The following EVA1A variants were observed in gnomAD, a reference collection of about 807,000 sequenced individuals.
The protein encoded by EVA1A is eva-1 homolog A, regulator of programmed cell death.
In EVA1A, 7 loss-of-function variants were observed where a neutral mutation model predicts 9.8. The ratio of observed to expected loss-of-function variants is 0.71; its 90% CI spans 0.41 to 1.34. EVA1A has a LOEUF of 1.34. EVA1A is among the 40% of genes most tolerant of loss of function. The probability of loss-of-function intolerance (pLI) is 0.01; values close to 1 mark genes in which losing one functional copy is unlikely to be tolerated. For missense variants in EVA1A, 206 were observed against 205.9 expected, an observed-to-expected ratio of 1.00 and a Z score of 0.00; for synonymous variants, 90 against 85.6, an observed-to-expected ratio of 1.05 and a Z score of -0.28.
chr2:75,531,758 G>A (rs1461254411), intron 1 of EVA1A, among the ~76,000 whole-genome samples: 1 of 152,108 alleles, frequency 6.6e-6, no homozygotes, highest in Non-Finnish European at 1.5e-5. Context: ...TGGGGACTTC[G>A]GGGAAGGCTG....
At chr2:75,560,091 G>A (rs1163217259) in intron 1 of EVA1A, among the ~76,000 whole-genome samples, 1 of 152,118 alleles carries the variant, frequency 6.6e-6, no homozygotes, top group Non-Finnish European at 1.5e-5. Flanking sequence ...ATAGAGCAGC[G>A]TGGACTGTCT....
chr2:75,535,878 T>C lies in EVA1A; in HGVS notation c.-191-13391A>G, dbSNP rs567054171. 1.1e-3 allele frequency among the ~76,000 whole-genome samples: 161 copies of C among 152,294 alleles called. 1 individual carries two copies. The highest frequency in any genetic ancestry group is 2.5e-3 in the Admixed American group (39 of 15,304). ...ACACTAAAGTCCTAGACTTTACCAC[T>C]GTACGATTCATCCATGTAACCAAAA... is the stretch of plus-strand genomic sequence containing the variant. On this transcript the variant is annotated intron_variant, in intron 1 of 3. Transcript: ENST00000393913.
chr2:75,524,395 C>T (rs1675343718), intron 1 of EVA1A, among the ~76,000 whole-genome samples: 1 of 151,948 alleles, frequency 6.6e-6, no homozygotes, highest in South Asian at 2.1e-4. Flanking sequence ...TCTGCACAGC[C>T]TGGCTACTAC....
intron 2 of EVA1A, chr2:75,518,953 C>T: frequency 1.3e-6 from 1 of 757,088 alleles, no homozygotes; most frequent in Non-Finnish European, 1.6e-6. Context: ...CCTCTAGCTC[C>T]ATGACTCCAC....
At chr2:75,523,892 C>A (rs1488558733) in intron 1 of EVA1A, among the ~76,000 whole-genome samples, 6 of 152,184 alleles carry the variant, frequency 3.9e-5, no homozygotes, top group Non-Finnish European at 7.3e-5. Flanking sequence ...TGTGTCCCCA[C>A]TGAAATCTCA....
At chr2:75,504,457 C>T (rs987675251) in intron 3 of EVA1A, among the ~76,000 whole-genome samples, 2 of 152,136 alleles carry the variant, frequency 1.3e-5, no homozygotes, top group Non-Finnish European at 2.9e-5. Flanking sequence ...TGGCATTCTG[C>T]CCCACCCCAT....
intron 3 of EVA1A, chr2:75,517,790 C>G (rs1430000698): frequency 2.8e-6 from 2 of 718,826 alleles, no homozygotes; most frequent in East Asian, 5.4e-5. Context: ...CAACAGTAGC[C>G]CTGGGCCACT....
At chr2:75,508,376 G>A (rs966967135) in intron 3 of EVA1A, among the ~76,000 whole-genome samples, 2 of 152,172 alleles carry the variant, frequency 1.3e-5, no homozygotes, top group African/African-American at 4.8e-5. Context: ...CCCTGGGAAA[G>A]AGAATACATG....
intron 3 of EVA1A, among the ~76,000 whole-genome samples, chr2:75,515,250 AG>A (rs1674962781): frequency 6.6e-6 from 1 of 152,186 alleles, no homozygotes; most frequent in African/African-American, 2.4e-5. Context: ...ATTTACTTGT[AG>A]GGCCCATTGT....
intron 1 of EVA1A, among the ~76,000 whole-genome samples, chr2:75,545,604 G>A (rs1022619338): frequency 2.0e-5 from 3 of 151,998 alleles, no homozygotes; most frequent in African/African-American, 7.3e-5. Context: ...TTGTGGTAGA[G>A]AAAAAGTGGT....
chr2:75,537,358 T>C (rs1675947687), intron 1 of EVA1A, among the ~76,000 whole-genome samples: 1 of 152,208 alleles, frequency 6.6e-6, no homozygotes, highest in Non-Finnish European at 1.5e-5. Context: ...GCTAACATTA[T>C]ACTTCATCAT....
At chr2:75,545,752 C>T (rs1676307819) in intron 1 of EVA1A, among the ~76,000 whole-genome samples, 1 of 152,112 alleles carries the variant, frequency 6.6e-6, no homozygotes, top group Non-Finnish European at 1.5e-5. Context: ...TTTGATTGGG[C>T]ACTGCAGTTA....
intron 3 of EVA1A, among the ~76,000 whole-genome samples, chr2:75,498,867 G>T (rs1029872409): frequency 6.7e-6 from 1 of 150,114 alleles, no homozygotes; most frequent in African/African-American, 2.5e-5. Context: ...ATATTCCTAC[G>T]CCAGATGCTA....
chr2:75,518,637 T>C (rs1275534881), intron 2 of EVA1A: 13 of 987,968 alleles, frequency 1.3e-5, no homozygotes, highest in Non-Finnish European at 1.6e-5. Flanking sequence ...CAATTCCCCC[T>C]TACCACTTCT....
At chr2:75,566,483 C>T (rs1677031328) in intron 1 of EVA1A, among the ~76,000 whole-genome samples, 1 of 152,224 alleles carries the variant, frequency 6.6e-6, no homozygotes. Flanking sequence ...ATATAAGCCA[C>T]ACAGCTAAGT....
intron 2 of EVA1A, 65 bp downstream of exon 2, chr2:75,522,300 C>T (rs747569184): frequency 2.6e-5 from 4 of 152,112 alleles, no homozygotes; most frequent in Non-Finnish European, 5.9e-5. Flanking sequence ...AACTGAGTGT[C>T]CCCTGGTATG....
At chr2:75,515,137 T>C (rs753069549) in intron 3 of EVA1A, among the ~76,000 whole-genome samples, 2 of 152,248 alleles carry the variant, frequency 1.3e-5, no homozygotes, top group African/African-American at 2.4e-5. Context: ...TTTGTCCACT[T>C]TCCTTTTGGG....
intron 2 of EVA1A, 64 bp from the exon 3 acceptor site, chr2:75,518,272 AG>A: frequency 7.0e-7 from 1 of 1,435,690 alleles, no homozygotes; most frequent in Non-Finnish European, 9.2e-7. Flanking sequence ...TGTTCCAGGT[AG>A]CCTGGACTCC....
intron 3 of EVA1A, among the ~76,000 whole-genome samples, chr2:75,506,126 A>G (rs1572950509): frequency 1.3e-5 from 2 of 152,332 alleles, no homozygotes; most frequent in East Asian, 3.9e-4. Context: ...CTTCCCAGTG[A>G]AAGTGCCACA....
Sources: gnomAD v4.1 joint callset for allele counts (sites outside exome capture counted in the v4.1 genomes callset) on GRCh38, gnomAD v4.1.1 for gene constraint, MANE v1.5 for transcripts, NCBI Gene and HGNC (gene_info 2026-07-23, HGNC 2026-07-21) for gene names.